ZNF276: variants seen among roughly 807,000 people sequenced by gnomAD.
The protein encoded by ZNF276 is centromere protein Z.
Under a neutral mutation model 63.9 loss-of-function variants are expected in ZNF276, and 59 were observed. The ratio of observed to expected loss-of-function variants is 0.92; its 90% CI spans 0.75 to 1.15. The LOEUF is 1.15. Among genes scored for constraint, ZNF276 ranks in the 50% most tolerant of loss-of-function variants. ZNF276 has a pLI of 0.00. For missense variants in ZNF276, 1,084 were observed against 843.8 expected (o/e 1.28, Z -3.53); for synonymous variants, 496 against 348.4 (o/e 1.42, Z -4.72).
rs766226560 is a variant in ZNF276 at position 89,739,093 on chromosome 16, G to A, written c.*847G>A. The A allele has an allele frequency of 1.2e-6, 2 of 1,613,794 alleles. No individual in the cohort carries two copies. The highest frequency in any genetic ancestry group is 2.7e-5 in the African/African-American group (2 of 74,934). On this transcript the variant is annotated 3_prime_UTR_variant, in exon 11 of 11. Transcript: ENST00000443381. ...TTTGGCAGAAGGAGCCTCCGGCTGGGGGGAGCTCCCCTGGAGGTGGGACTG... is the reference window on the plus strand; with the variant it reads ...TTTGGCAGAAGGAGCCTCCGGCTGGAGGGAGCTCCCCTGGAGGTGGGACTG...
In ZNF276 at chr16:89,739,938, G is replaced by C; in HGVS notation, c.*1692G>C. 6.2e-7 allele frequency: 1 copy of C among 1,606,520 alleles called. No individual in the cohort carries two copies. On this transcript the variant is annotated 3_prime_UTR_variant, in exon 11 of 11. Transcript: ENST00000443381. The stretch of plus-strand genomic sequence containing the variant: ...AGGGCTCGTTCTTAACCATTTGCAA[G>C]ATGCCTCTGAAAAGAGCGGCCCTCC...
chr16:89,740,839 AG>A lies in ZNF276; in HGVS notation c.*2595del, dbSNP rs587778319. The A allele has an allele frequency of 6.2e-7, 1 of 1,613,686 alleles. No homozygotes were observed. Among genetic ancestry groups the A allele is most frequent in the Admixed American group, 1.7e-5 (1 of 59,978 alleles). On this transcript the variant is annotated 3_prime_UTR_variant, in exon 11 of 11. Transcript: ENST00000443381. ...AGATGTGACGACAGCAGGCCCATCA[AG>A]GAGAAGAAGAAAAGGAAAACCAATA...
chr16:89,726,709 G>T (rs546646844), intron 4 of ZNF276, among the ~76,000 whole-genome samples: 1 of 151,728 alleles, frequency 6.6e-6, no homozygotes, highest in South Asian at 2.1e-4. Context: ...TGCAGTGCGC[G>T]ATCTCGGCTC....
intron 4 of ZNF276, among the ~76,000 whole-genome samples, chr16:89,726,848 G>A (rs1211882576): frequency 2.6e-5 from 4 of 151,776 alleles, no homozygotes; most frequent in Admixed American, 2.0e-4. Context: ...GTTTCACCAC[G>A]TTGGCCAGGC....
chr16:89,734,107 C>G (rs2061769446), intron 9 of ZNF276, 69 bp downstream of exon 9: 1 of 1,466,132 alleles, frequency 6.8e-7, no homozygotes, highest in African/African-American at 1.4e-5. Flanking sequence ...TCCAGTCTTC[C>G]TCATACCCAT....
chr16:89,732,970 C>G (rs2061719172), intron 6 of ZNF276: 1 of 333,544 alleles, frequency 3.0e-6, no homozygotes, highest in African/African-American at 2.2e-5. Flanking sequence ...CCCTCCCCCT[C>G]TGCTGTGTTC....
rs1270807019 is a variant in ZNF276 at position 89,740,804 on chromosome 16, A to C, written c.*2558A>C. 2.5e-6 allele frequency: 4 copies of C among 1,613,422 alleles called. No individual in the cohort carries two copies. The highest frequency in any genetic ancestry group is 3.4e-6 in the Non-Finnish European group (4 of 1,179,668). The stretch of plus-strand genomic sequence containing the variant: ...CCTTGGCTGGTAAGGTCTGACTTAC[A>C]TTTGAGGTCAGATGTGACGACAGCA... On this transcript the variant is annotated 3_prime_UTR_variant, in exon 11 of 11. Coordinates refer to ENST00000443381, the MANE Select transcript of ZNF276 (RefSeq NM_001113525.2).
chr16:89,721,120 G>T, upstream of ZNF276: 1 of 302,562 alleles, frequency 3.3e-6, no homozygotes, highest in Non-Finnish European at 6.0e-6. Flanking sequence ...TGGCGAGAAG[G>T]GCCCCTCACG....
At chr16:89,721,038 G>T (rs531737428), upstream of ZNF276, 93 of 552,290 alleles carry the variant, frequency 1.7e-4, 2 homozygotes, top group Middle Eastern at 3.4e-3. Flanking sequence ...ACGGGTGTTA[G>T]TGGCGGGGGC....
At chr16:89,733,814 G>A in intron 8 of ZNF276, 107 bp from the exon 9 acceptor site, 1 of 1,044,872 alleles carries the variant, frequency 9.6e-7, no homozygotes, top group South Asian at 1.4e-5. Flanking sequence ...GTCGCTGGAG[G>A]AGGAGTTGGA....
In ZNF276 at chr16:89,723,438, C is replaced by T. The variant is rs2061370014; in HGVS notation, c.735C>T (p.Ser245=). 3 of 1,612,970 alleles carry T rather than the reference C, an allele frequency of 1.9e-6. No individual in the cohort carries two copies. Among genetic ancestry groups the T allele is most frequent in the South Asian group, 2.2e-5 (2 of 91,094 alleles). The change falls in exon 4 of 11, where the codon AGC becomes AGT. Residue 245 remains serine, a synonymous_variant. Coordinates refer to ENST00000443381, the MANE Select transcript of ZNF276 (RefSeq NM_001113525.2). The stretch of plus-strand genomic sequence containing the variant: ...GCCACGACTACACCATGGATACCAG[C>T]TCCAGCTGCAAGGCCTTCTTGCTGG... ...DQGHDYTMDT[S]SSCKAFLLDS... is the part of the protein sequence containing the mutation.
Position 89,738,781 on chromosome 16 carries a change from GA to G in ZNF276, c.*538del. ...AGACCACAGGGGAGGGGCTCTGGCA[GA>G]AATAGTCGAGTTGTATTGCCAGCCA... On this transcript the variant is annotated 3_prime_UTR_variant, in exon 11 of 11. Transcript: ENST00000443381. 6.2e-7 allele frequency: 1 copy of G among 1,612,684 alleles called. No individual in the cohort carries two copies. Among genetic ancestry groups the G allele is most frequent in the Non-Finnish European group, 8.5e-7 (1 of 1,179,480 alleles).
In ZNF276 at chr16:89,739,836, T is replaced by G. The variant is rs565478136; in HGVS notation, c.*1590T>G. The G allele has an allele frequency of 2.7e-4, 405 of 1,490,212 alleles. 1 individual carries two copies. Among genetic ancestry groups the G allele is most frequent in the Non-Finnish European group, 3.3e-4 (372 of 1,123,220 alleles). The allele number at this position is 1,490,212 out of a possible 1,614,324, so 92.3% of individuals were successfully genotyped here. On this transcript the variant is annotated 3_prime_UTR_variant, in exon 11 of 11. Transcript: ENST00000443381. ...CCAGTGAGCCAGTAAATTATCTTAT[T>G]GCTTTAAACAAGTTTGTGCTTAATC... is the stretch of plus-strand genomic sequence containing the variant.
Position 89,740,640 on chromosome 16 carries a change from A to C in ZNF276, c.*2394A>C, listed in dbSNP as rs982581204. 9 of 596,916 alleles carry C rather than the reference A, an allele frequency of 1.5e-5. No homozygotes were observed. In the African/African-American group the frequency reaches 1.7e-4, roughly 11 times the overall value. 37.0% of individuals were successfully genotyped at this position (596,916 alleles called of 1,614,324 possible). On this transcript the variant is annotated 3_prime_UTR_variant, in exon 11 of 11. Coordinates refer to ENST00000443381, the MANE Select transcript of ZNF276 (RefSeq NM_001113525.2). ...GACAGAGTGAGACCCCCATCTCAAA[A>C]AAAAAAAAAAAAAACCCACGGCCTG...
rs1398088203 is a variant in ZNF276, at chr16:89,738,465, AAAT to A, written c.*223_*225del. On this transcript the variant is annotated 3_prime_UTR_variant, in exon 11 of 11. Transcript: ENST00000443381. ...AGTGACTCGGGGCCGGACAGTTCAT[AAAT>A]AATTGATTCCTTTCCCCACTAAAGC... The A allele has an allele frequency of 4.8e-6, 7 of 1,454,128 alleles. No homozygotes were observed. The African/African-American group carries it at 8.4e-5, about 17-fold the overall frequency. 90.1% of individuals were successfully genotyped at this position (1,454,128 alleles called of 1,614,324 possible).
chr16:89,733,248 C>CATT (rs1415697099), intron 6 of ZNF276, 54 bp from the exon 7 acceptor site: 2 of 1,527,844 alleles, frequency 1.3e-6, no homozygotes, highest in Admixed American at 1.8e-5. Flanking sequence ...AGACAAAAAA[C>CATT]ATTTTGCAAA....
chr16:89,728,668 C>T (rs554098634), intron 5 of ZNF276, among the ~76,000 whole-genome samples: 1 of 152,234 alleles, frequency 6.6e-6, no homozygotes, highest in Admixed American at 6.5e-5. Flanking sequence ...TCCCAAAGTG[C>T]TGGGATTACA....
rs779094661 is a variant in ZNF276, at chr16:89,737,976, G to C, written c.1575G>C (p.Gln525His). The part of the protein sequence containing the change: ...QMRHSGAKPL[Q>H]CEVCGFQCRQ... ...CTTCTTATCTGCCTCTGTCCCCCAG[G>C]TGTGAGGTCTGTGGGTTCCAGTGCA... The change falls in exon 11 of 11, where the codon CAG (glutamine) becomes CAC (histidine). Residue 525 changes from glutamine (Q) to histidine (H), a missense_variant and splice_region_variant. Gln to His is a conservative substitution (Grantham distance 24). Coordinates refer to ENST00000443381, the MANE Select transcript of ZNF276 (RefSeq NM_001113525.2). 1.2e-6 allele frequency: 2 copies of C among 1,614,156 alleles called. No individual in the cohort carries two copies. The highest frequency in any genetic ancestry group is 3.3e-5 in the Admixed American group (2 of 60,026).
chr16:89,737,475 C>T (rs1336880000), intron 9 of ZNF276: 1 of 325,752 alleles, frequency 3.1e-6, no homozygotes, highest in Non-Finnish European at 5.8e-6. Flanking sequence ...GAGCTGAGAT[C>T]ACGCCACCGC....
Sources: gnomAD v4.1 joint callset for allele counts (sites outside exome capture counted in the v4.1 genomes callset) on GRCh38, gnomAD v4.1.1 for gene constraint, MANE v1.5 for transcripts, NCBI Gene and HGNC (gene_info 2026-07-23, HGNC 2026-07-21) for gene names.